The following CHD1 variants were observed in gnomAD, a reference collection of about 807,000 sequenced individuals.
CHD1 encodes the protein chromodomain helicase DNA binding protein 1.
CHD1 carries 36 observed loss-of-function variants against 224.2 expected under a neutral mutation model. The observed-to-expected ratio is 0.16, with a 90% CI of 0.12 to 0.21. The LOEUF (loss-of-function observed/expected upper bound fraction) is 0.21, where lower values mean the gene tolerates loss of function less well. Among genes scored for constraint, CHD1 ranks in the 10% least tolerant of loss-of-function variants. The pLI is 1.00. For synonymous variants in CHD1, 668 were observed against 658.3 expected (o/e 1.01, Z -0.23); for missense variants, 1,378 against 1,994.8 (o/e 0.69, Z 5.89).
intron 18 of CHD1, 107 bp from the exon 19 acceptor site, chr5:98,883,344 A>G: frequency 3.4e-6 from 2 of 596,272 alleles, no homozygotes; most frequent in Non-Finnish European, 5.7e-6. Context: ...ACTAATAAAC[A>G]TCTAGCAAGA....
At chr5:98,904,694 G>A (rs1751936731) in intron 3 of CHD1, among the ~76,000 whole-genome samples, 1 of 152,164 alleles carries the variant, frequency 6.6e-6, no homozygotes, top group South Asian at 2.1e-4. Flanking sequence ...TACACTTTGT[G>A]TTTTCTAGTT....
chr5:98,892,701 C>A lies in CHD1; in HGVS notation c.2004G>T (p.Trp668Cys). The change falls in exon 15 of 36, where the codon TGG (tryptophan) becomes TGT (cysteine). Residue 668 changes from tryptophan (W) to cysteine (C), a missense_variant. Physicochemically the swap from Trp to Cys is radical, Grantham distance 215 (BLOSUM62 -2). Around this residue, in one of 16 missense-constraint regions of CHD1, gnomAD observed 37 missense variants for 118.9 expected, o/e 0.31. Coordinates refer to ENST00000614616, the MANE Select transcript of CHD1 (RefSeq NM_001270.4). ...TGCCATGTTCTTCTTCAAAATCTTC[C>A]CAGGAAGAAAACCTTTAAAATTTAA... ...HFIMPEKFSS[W>C]EDFEEEHGKG... is the part of the protein sequence containing the mutation. The A allele has an allele frequency of 1.3e-6, 2 of 1,587,912 alleles. No homozygotes were observed. The highest frequency in any genetic ancestry group is 1.3e-5 in the African/African-American group (1 of 74,320).
At chr5:98,925,234 G>A (rs1450544940) in intron 2 of CHD1, among the ~76,000 whole-genome samples, 4 of 151,946 alleles carry the variant, frequency 2.6e-5, no homozygotes, top group Admixed American at 6.6e-5. Flanking sequence ...TTTACATGAA[G>A]CATCTCAATC....
rs981954055 is a variant in CHD1, at chr5:98,882,014, G to C, written c.2828C>G (p.Thr943Ser). 1.9e-6 allele frequency: 3 copies of C among 1,613,818 alleles called. No homozygotes were observed. Among genetic ancestry groups the C allele is most frequent in the Non-Finnish European group, 2.5e-6 (3 of 1,179,858 alleles). ...ACCTGTATGTAGTACTGTCTTCCCA[G>C]TTGTGTCCATTCTTTGAATTACAAG... ...DHLVIQRMDTTGKTVLHTGSA... is the reference protein window; with the variant it reads ...DHLVIQRMDTSGKTVLHTGSA... Residue 943 changes from threonine (T) to serine (S), a missense_variant, in exon 20 of 36, where the codon ACT becomes AGT. Thr to Ser is a moderately conservative substitution (Grantham distance 58). Around this residue, in one of 16 missense-constraint regions of CHD1, gnomAD observed 286 missense variants for 445.1 expected, o/e 0.64. Coordinates refer to ENST00000614616, the MANE Select transcript of CHD1 (RefSeq NM_001270.4).
At chr5:98,908,906 T>A (rs1264409253) in intron 2 of CHD1, among the ~76,000 whole-genome samples, 1 of 152,202 alleles carries the variant, frequency 6.6e-6, no homozygotes, top group Admixed American at 6.5e-5. Flanking sequence ...TTAGGGTAAA[T>A]TAAGGAGAAA....
chr5:98,884,447 G>C (rs979556334), intron 18 of CHD1, among the ~76,000 whole-genome samples: 1 of 152,088 alleles, frequency 6.6e-6, no homozygotes, highest in South Asian at 2.1e-4. Flanking sequence ...TTGTAAGAGG[G>C]AACTAAGCTA....
At chr5:98,897,377 A>G in intron 10 of CHD1, 57 bp from the exon 11 acceptor site, 1 of 1,224,568 alleles carries the variant, frequency 8.2e-7, no homozygotes, top group Non-Finnish European at 1.1e-6. Flanking sequence ...AATTATACTA[A>G]AAGATGAAAG....
At position 98,873,661 on chromosome 5, in the gene CHD1, A is replaced by C. The variant is rs2112334665; in HGVS notation, c.3503T>G (p.Leu1168Arg). 6.2e-7 allele frequency: 1 copy of C among 1,610,656 alleles called. No homozygotes were observed. The highest frequency in any genetic ancestry group is 1.1e-5 in the South Asian group (1 of 90,430). Residue 1168 changes from leucine to arginine, a missense_variant, in exon 26 of 36, where the codon CTG becomes CGG. Around this residue, in one of 16 missense-constraint regions of CHD1, gnomAD observed 286 missense variants for 445.1 expected, o/e 0.64. Coordinates refer to ENST00000614616, the MANE Select transcript of CHD1 (RefSeq NM_001270.4). ...VDKSETDLRRLGELVHNGCIK... is the reference protein window; with the variant it reads ...VDKSETDLRRRGELVHNGCIK... Reference sequence around the variant, plus strand: ...GCAACCATTATGTACCAATTCTCCCAGTCGTCTAAGGTCTGTTTCTGACTT... The same window carrying C: ...GCAACCATTATGTACCAATTCTCCCCGTCGTCTAAGGTCTGTTTCTGACTT...
chr5:98,869,636 A>ACG (rs1749178919), intron 30 of CHD1, 118 bp downstream of exon 30: 5 of 1,060,800 alleles, frequency 4.7e-6, no homozygotes, highest in East Asian at 5.0e-5. Context: ...ACACACACAC[A>ACG]CACACACACA....
rs1464228668 is a variant in CHD1, at chr5:98,903,820, T to C, written c.344A>G (p.Gln115Arg). The change falls in exon 4 of 36, where the codon CAA becomes CGA. Residue 115 changes from glutamine to arginine, a missense_variant. Gln to Arg is a conservative substitution (Grantham distance 43). Coordinates refer to ENST00000614616, the MANE Select transcript of CHD1 (RefSeq NM_001270.4). ...QQQQQQQQQHQASSNSGSEED... is the reference protein window; with the variant it reads ...QQQQQQQQQHRASSNSGSEED... The stretch of plus-strand genomic sequence containing the variant: ...TTCTGATCCGCTATTAGATGAGGCT[T>C]GATGTTGTTGTTGCTGCTGCTGCTG... 3.7e-6 allele frequency: 6 copies of C among 1,613,538 alleles called. No individual in the cohort carries two copies. In the Admixed American group the frequency reaches 1.0e-4, roughly 27 times the overall value.
At chr5:98,922,573 A>T (rs1038108414) in intron 2 of CHD1, among the ~76,000 whole-genome samples, 2 of 152,242 alleles carry the variant, frequency 1.3e-5, no homozygotes, top group Non-Finnish European at 2.9e-5. Context: ...TTCACAAAAG[A>T]AAAAGGAAAT....
intron 8 of CHD1, among the ~76,000 whole-genome samples, chr5:98,899,277 G>T (rs1227307991): frequency 1.3e-5 from 2 of 151,704 alleles, no homozygotes; most frequent in Admixed American, 6.6e-5. Flanking sequence ...TGTTATTGTT[G>T]TTTTTTTTCC....
intron 2 of CHD1, among the ~76,000 whole-genome samples, chr5:98,905,515 T>C (rs1751991349): frequency 7.1e-6 from 1 of 141,162 alleles, no homozygotes. Flanking sequence ...AAGAAAAGAT[T>C]AAATGTGTTA....
intron 15 of CHD1, among the ~76,000 whole-genome samples, chr5:98,889,478 T>C (rs1019411925): frequency 1.2e-4 from 19 of 152,204 alleles, no homozygotes; most frequent in Non-Finnish European, 2.2e-4. Flanking sequence ...ATTATTACAG[T>C]GTATTAATCC....
At chr5:98,867,776 GCCT>G (rs1748996873) in intron 31 of CHD1, among the ~76,000 whole-genome samples, 1 of 148,924 alleles carries the variant, frequency 6.7e-6, no homozygotes, top group Admixed American at 6.7e-5. Context: ...GCCCACCTTG[GCCT>G]CCTTTTATCT....
At position 98,856,450 on chromosome 5, in the gene CHD1, C is replaced by T. The variant is rs191444273; in HGVS notation, c.5063G>A (p.Arg1688Lys). 1.9e-6 allele frequency: 3 copies of T among 1,601,748 alleles called. No individual in the cohort carries two copies. The Admixed American group carries it at 5.1e-5, about 27-fold the overall frequency. Residue 1688 changes from arginine (R) to lysine (K), a missense_variant, in exon 36 of 36, where the codon AGA (arginine) becomes AAA (lysine). Coordinates refer to ENST00000614616, the MANE Select transcript of CHD1 (RefSeq NM_001270.4). ...TTCAACTGAATGTTCAAATGGAGAT[C>T]TGGAGCCATAAGGAGATCTCTGATC... ...PLDQRSPYGS[R>K]SPFEHSVEHK... is the part of the protein sequence containing the mutation.
intron 24 of CHD1, among the ~76,000 whole-genome samples, chr5:98,875,844 A>G (rs1749707427): frequency 6.6e-6 from 1 of 152,224 alleles, no homozygotes; most frequent in South Asian, 2.1e-4. Context: ...CATAAACAAA[A>G]GTAAGCTGTT....
intron 2 of CHD1, among the ~76,000 whole-genome samples, chr5:98,907,403 A>C (rs1365918521): frequency 1.3e-5 from 2 of 152,130 alleles, no homozygotes; most frequent in African/African-American, 4.8e-5. Flanking sequence ...AGTCTGACCA[A>C]CATGGAGAAA....
rs751578124 is a variant in CHD1 at position 98,901,086 on chromosome 5, G to A, written c.588-4C>T. 9 of 1,581,368 alleles carry A rather than the reference G, an allele frequency of 5.7e-6. No individual in the cohort carries two copies. The highest frequency in any genetic ancestry group is 3.4e-4 in the Middle Eastern group (2 of 5,872). On this transcript the variant is annotated splice_region_variant and splice_polypyrimidine_tract_variant and intron_variant, in intron 6 of 35. Coordinates refer to ENST00000614616, the MANE Select transcript of CHD1 (RefSeq NM_001270.4). ...CTTTCCATTTTTTGACTTAGATCTA[G>A]GAAAGTGCAAAGAGAAAAAAAAACA...
Sources: allele counts gnomAD v4.1 joint callset (sites outside exome capture counted in the v4.1 genomes callset), GRCh38; gene constraint gnomAD v4.1.1; regional missense constraint gnomAD v4.1.1; transcripts MANE v1.5; gene names NCBI Gene and HGNC (gene_info 2026-07-23, HGNC 2026-07-21).